The following COL23A1 variants were observed in gnomAD, a reference collection of about 807,000 sequenced individuals.
COL23A1 encodes collagen type XXIII alpha 1 chain.
In COL23A1, 97 loss-of-function variants were observed where a neutral mutation model predicts 99.3. That is an observed-to-expected ratio of 0.98 (90% CI 0.83 to 1.16). The LOEUF (loss-of-function observed/expected upper bound fraction) is 1.16, where lower values mean the gene tolerates loss of function less well. COL23A1 is among the 50% of genes most tolerant of loss of function. COL23A1 has a pLI of 0.00. For missense variants in COL23A1, 762 were observed against 757.4 expected, an observed-to-expected ratio of 1.01 and a Z score of -0.07; for synonymous variants, 320 against 308.2, an observed-to-expected ratio of 1.04 and a Z score of -0.40.
rs1764226260 is a variant in COL23A1, at chr5:178,238,540, C to T, written c.*158G>A. 4.2e-6 allele frequency: 4 copies of T among 957,240 alleles called. No individual in the cohort carries two copies. In the Admixed American group the frequency reaches 8.7e-5, roughly 21 times the overall value. The allele number at this position is 957,240 out of a possible 1,614,324, so 59.3% of individuals were successfully genotyped here. A position where few individuals can be genotyped will look rare whatever the true frequency, so the allele number is the denominator to read the frequency against. On this transcript the variant is annotated 3_prime_UTR_variant, in exon 29 of 29. Coordinates refer to ENST00000390654, the MANE Select transcript of COL23A1 (RefSeq NM_173465.4). Reference sequence around the variant, plus strand: ...GCCTGTCCACTTTCCGGCAGCTTCACATGCCGGTGGCTTTGGGGCTGGGTG... The same window carrying T: ...GCCTGTCCACTTTCCGGCAGCTTCATATGCCGGTGGCTTTGGGGCTGGGTG...
intron 16 of COL23A1, among the ~76,000 whole-genome samples, chr5:178,254,540 A>G (rs1470050015): frequency 6.6e-6 from 1 of 152,070 alleles, no homozygotes; most frequent in African/African-American, 2.4e-5. Flanking sequence ...CGGAGGTCAC[A>G]TATCTCCCAA....
intron 5 of COL23A1, among the ~76,000 whole-genome samples, chr5:178,275,839 G>A (rs552107766): frequency 5.3e-5 from 8 of 152,172 alleles, no homozygotes; most frequent in Admixed American, 6.5e-5. Context: ...GGTCCTGACC[G>A]ATCAATGACC....
At chr5:178,531,240 A>G (rs997322125) in intron 2 of COL23A1, among the ~76,000 whole-genome samples, 2 of 152,222 alleles carry the variant, frequency 1.3e-5, no homozygotes. Context: ...ACAAGATGGA[A>G]GGGACTGTAG....
intron 1 of COL23A1, among the ~76,000 whole-genome samples, chr5:178,576,286 T>C (rs510200): frequency 0.11 from 16,108 of 152,236 alleles, 1,589 homozygotes; most frequent in African/African-American, 0.25. Flanking sequence ...CGCCCCAGGC[T>C]GGAGTCCAGT....
intron 8 of COL23A1, among the ~76,000 whole-genome samples, chr5:178,264,234 TAC>T (rs1217756065): frequency 2.0e-5 from 3 of 151,902 alleles, no homozygotes; most frequent in Non-Finnish European, 4.4e-5. Context: ...GAGACTGTAC[TAC>T]AGAGATGCAA....
intron 2 of COL23A1, among the ~76,000 whole-genome samples, chr5:178,542,809 G>GTTCA (rs1761366647): frequency 6.6e-6 from 1 of 152,178 alleles, no homozygotes; most frequent in African/African-American, 2.4e-5. Flanking sequence ...GGCCTCTGGG[G>GTTCA]TTCATTTAGG....
chr5:178,246,569 C>T, intron 22 of COL23A1, 116 bp from the exon 23 acceptor site: 6 of 1,057,950 alleles, frequency 5.7e-6, no homozygotes, highest in Non-Finnish European at 8.2e-6. Context: ...ATCGAGGCTC[C>T]CCCAGGCCTG....
chr5:178,476,541 C>A lies in COL23A1; in HGVS notation c.361+84141G>T, dbSNP rs992260991. On this transcript the variant is annotated intron_variant, in intron 2 of 28. Transcript: ENST00000390654. ...TGAGAGTAATACCGCATCATATCCACGGACCTGCCTACACTTAAGGGAAGA... is the reference window on the plus strand; with the variant it reads ...TGAGAGTAATACCGCATCATATCCAAGGACCTGCCTACACTTAAGGGAAGA... 3.9e-5 allele frequency among the ~76,000 whole-genome samples: 6 copies of A among 152,176 alleles called. 1 individual carries two copies. The highest frequency in any genetic ancestry group is 3.8e-4 in the East Asian group (2 of 5,196).
At chr5:178,284,269 G>A (rs1030255201) in intron 5 of COL23A1, among the ~76,000 whole-genome samples, 10 of 152,060 alleles carry the variant, frequency 6.6e-5, no homozygotes, top group African/African-American at 2.4e-4. Flanking sequence ...TTTACCACGA[G>A]GTGACAGGAT....
intron 5 of COL23A1, among the ~76,000 whole-genome samples, chr5:178,278,739 G>C (rs1489453520): frequency 6.6e-6 from 1 of 152,174 alleles, no homozygotes; most frequent in Non-Finnish European, 1.5e-5. Flanking sequence ...CTGATGATGA[G>C]GTCCTGCCCC....
At chr5:178,588,587 T>C (rs1164790597) in intron 1 of COL23A1, among the ~76,000 whole-genome samples, 2 of 152,184 alleles carry the variant, frequency 1.3e-5, no homozygotes, top group African/African-American at 4.8e-5. Flanking sequence ...GAGAGAGTTT[T>C]AAGTCTGCAG....
chr5:178,373,297 G>A (rs1762898635), intron 2 of COL23A1, among the ~76,000 whole-genome samples: 1 of 152,236 alleles, frequency 6.6e-6, no homozygotes, highest in Non-Finnish European at 1.5e-5. Flanking sequence ...TGCCATGGCT[G>A]TGAGATGGGC....
intron 1 of COL23A1, among the ~76,000 whole-genome samples, chr5:178,585,745 A>AATGCCCTACAG (rs1371181299): frequency 0.027 from 146 of 5,458 alleles, 16 homozygotes; most frequent in Admixed American, 0.039. Flanking sequence ...GCCCTGGCTG[A>AATGCCCTACAG]CCCTGTTGGT....
chr5:178,294,741 C>T (rs1757652447), intron 3 of COL23A1, among the ~76,000 whole-genome samples: 1 of 152,216 alleles, frequency 6.6e-6, no homozygotes, highest in Non-Finnish European at 1.5e-5. Flanking sequence ...AGAGGGCAGG[C>T]TTTTCCACCT....
At chr5:178,358,403 ATGTG>A (rs764160730) in intron 2 of COL23A1, among the ~76,000 whole-genome samples, 396 of 106,312 alleles carry the variant, frequency 3.7e-3, no homozygotes, top group African/African-American at 0.012. Context: ...GTGTATGTGT[ATGTG>A]TGTATGTGTA....
chr5:178,579,607 C>G (rs1372208126), intron 1 of COL23A1, among the ~76,000 whole-genome samples: 2 of 152,152 alleles, frequency 1.3e-5, no homozygotes, highest in African/African-American at 4.8e-5. Context: ...ACACCCACTA[C>G]CGCGCACGGC....
At chr5:178,431,390 T>C (rs983970810) in intron 2 of COL23A1, among the ~76,000 whole-genome samples, 6 of 152,226 alleles carry the variant, frequency 3.9e-5, no homozygotes, top group Non-Finnish European at 8.8e-5. Flanking sequence ...GACAGAATAG[T>C]GGCTCCCCAC....
intron 2 of COL23A1, among the ~76,000 whole-genome samples, chr5:178,500,424 CAAAAAAA>C (rs770679841): frequency 3.0e-5 from 2 of 65,696 alleles, no homozygotes; most frequent in African/African-American, 1.1e-4. Flanking sequence ...CCCATCTCTA[CAAAAAAA>C]AAAAAAAAAA....
At chr5:178,570,957 C>T (rs1437412643) in intron 1 of COL23A1, among the ~76,000 whole-genome samples, 1 of 152,082 alleles carries the variant, frequency 6.6e-6, no homozygotes, top group African/African-American at 2.4e-5. Context: ...GGTCAGGGAA[C>T]GAACCACCGA....
Sources: allele counts gnomAD v4.1 joint callset (sites outside exome capture counted in the v4.1 genomes callset), GRCh38; gene constraint gnomAD v4.1.1; transcripts MANE v1.5; gene names NCBI Gene and HGNC (gene_info 2026-07-23, HGNC 2026-07-21).